The following ELP4 variants were observed in gnomAD, a reference collection of about 807,000 sequenced individuals.
ELP4 encodes the protein elongator acetyltransferase complex subunit 4, also known as elongator complex protein 4.
Under a neutral mutation model 48.9 loss-of-function variants are expected in ELP4, and 51 were observed. The ratio of observed to expected loss-of-function variants is 1.04; its 90% CI spans 0.83 to 1.32. ELP4 has a LOEUF of 1.32. ELP4 is among the 40% of genes most tolerant of loss of function. The pLI is 0.00. For missense variants in ELP4, 519 were observed against 514.6 expected (o/e 1.01, Z -0.08); for synonymous variants, 210 against 189.2 (o/e 1.11, Z -0.90).
At chr11:31,674,845 A>G (rs1307023765) in intron 9 of ELP4, among the ~76,000 whole-genome samples, 1 of 152,230 alleles carries the variant, frequency 6.6e-6, no homozygotes, top group Non-Finnish European at 1.5e-5. Flanking sequence ...AACTGAATTA[A>G]CATTCTGTCC....
At chr11:31,559,383 A>G (rs541546391) in intron 3 of ELP4, among the ~76,000 whole-genome samples, 4 of 152,222 alleles carry the variant, frequency 2.6e-5, no homozygotes, top group Non-Finnish European at 5.9e-5. Flanking sequence ...TGTTGTTTAT[A>G]TAATATTCAT....
At chr11:31,590,763 C>A (rs757417552) in intron 3 of ELP4, among the ~76,000 whole-genome samples, 1 of 152,100 alleles carries the variant, frequency 6.6e-6, no homozygotes, top group Non-Finnish European at 1.5e-5. Context: ...AGCAAGAGAG[C>A]AAGCAGGAAG....
At chr11:31,549,623 C>G (rs929629765) in intron 3 of ELP4, among the ~76,000 whole-genome samples, 1 of 151,874 alleles carries the variant, frequency 6.6e-6, no homozygotes, top group Non-Finnish European at 1.5e-5. Context: ...TTGACCCAGC[C>G]ATCCCATTAC....
intron 4 of ELP4, among the ~76,000 whole-genome samples, chr11:31,595,589 A>G (rs1957656543): frequency 6.6e-6 from 1 of 152,194 alleles, no homozygotes; most frequent in African/African-American, 2.4e-5. Flanking sequence ...CATCAGTGTT[A>G]TCTTTCCCAA....
chr11:31,523,724 ATTGATTTTAAAATCAAAGGTAAAAT>A (rs1956253108), intron 2 of ELP4, among the ~76,000 whole-genome samples: 1 of 151,120 alleles, frequency 6.6e-6, no homozygotes, highest in Non-Finnish European at 1.5e-5. Context: ...AAAATCAAAA[ATTGATTTTAAAATCAAAGGTAAAAT>A]TTGATTTTAA....
chr11:31,510,600 T>G (rs1955973792), intron 1 of ELP4: 1 of 390,520 alleles, frequency 2.6e-6, no homozygotes, highest in Non-Finnish European at 4.5e-6. Context: ...AGATAGTGTC[T>G]GCGTTAAATC....
intron 5 of ELP4, among the ~76,000 whole-genome samples, chr11:31,607,596 A>G (rs1186479680): frequency 1.3e-5 from 2 of 152,218 alleles, no homozygotes; most frequent in Non-Finnish European, 2.9e-5. Context: ...TCTTAATACT[A>G]TCACATTGAC....
At position 31,698,205 on chromosome 11, in the gene ELP4, A is replaced by T. The variant is rs184362867; in HGVS notation, c.1143+47984A>T. Among the ~76,000 whole-genome samples, 96 of 152,304 alleles carry T rather than the reference A, an allele frequency of 6.3e-4. No homozygotes were observed. In the East Asian group the frequency reaches 0.012, roughly 20 times the overall value. ...GTTGAAACTTTAAACACATATTTGT[A>T]TTAAACTGATAAATTTTAGTCATAT... is the stretch of plus-strand genomic sequence containing the variant. On this transcript the variant is annotated intron_variant, in intron 9 of 9. Coordinates refer to ENST00000640961, the MANE Select transcript of ELP4 (RefSeq NM_019040.5).
chr11:31,752,470 G>A (rs1008662827), intron 9 of ELP4, among the ~76,000 whole-genome samples: 11 of 152,054 alleles, frequency 7.2e-5, no homozygotes, highest in African/African-American at 2.4e-4. Flanking sequence ...CTCTCTCAGG[G>A]TCTATTTTGC....
At chr11:31,613,955 T>C (rs1403639385) in intron 5 of ELP4, among the ~76,000 whole-genome samples, 1 of 151,932 alleles carries the variant, frequency 6.6e-6, no homozygotes, top group East Asian at 1.9e-4. Context: ...AAGTGACCTG[T>C]TTGCCTTGGC....
At chr11:31,744,035 C>T (rs1038968655) in intron 9 of ELP4, among the ~76,000 whole-genome samples, 30 of 151,822 alleles carry the variant, frequency 2.0e-4, no homozygotes, top group South Asian at 6.2e-4. Context: ...ATCAAATAGA[C>T]GCAATAAAAA....
chr11:31,686,231 C>G (rs1255728385), intron 9 of ELP4, among the ~76,000 whole-genome samples: 1 of 151,680 alleles, frequency 6.6e-6, no homozygotes. Context: ...TAATCAATAC[C>G]AAGAAACTCT....
At chr11:31,781,599 A>G (rs998912894) in intron 9 of ELP4, among the ~76,000 whole-genome samples, 1 of 143,352 alleles carries the variant, frequency 7.0e-6, no homozygotes, top group Non-Finnish European at 1.5e-5. Context: ...CCCTGGTTCA[A>G]GCAATTCTCC....
At chr11:31,744,485 C>G (rs1947532252) in intron 9 of ELP4, among the ~76,000 whole-genome samples, 1 of 152,118 alleles carries the variant, frequency 6.6e-6, no homozygotes, top group South Asian at 2.1e-4. Flanking sequence ...ATGCAAAAAT[C>G]CTCAATAAAA....
At chr11:31,559,140 T>C (rs1592115830) in intron 3 of ELP4, among the ~76,000 whole-genome samples, 1 of 152,176 alleles carries the variant, frequency 6.6e-6, no homozygotes, top group Admixed American at 6.5e-5. Context: ...ATAGATGAGC[T>C]GTGAAGATTT....
intron 9 of ELP4, among the ~76,000 whole-genome samples, chr11:31,681,291 G>T (rs1946046452): frequency 6.6e-6 from 1 of 152,148 alleles, no homozygotes; most frequent in Non-Finnish European, 1.5e-5. Context: ...TTCTGGAAGG[G>T]CAGCAAAAAC....
intron 5 of ELP4, among the ~76,000 whole-genome samples, chr11:31,605,471 G>A (rs1325505933): frequency 6.6e-6 from 1 of 152,022 alleles, no homozygotes; most frequent in East Asian, 1.9e-4. Context: ...AGTAAAGAGT[G>A]GAACCCAGGT....
intron 9 of ELP4, chr11:31,687,769 G>T (rs575665812): frequency 2.0e-5 from 3 of 152,152 alleles, no homozygotes; most frequent in African/African-American, 7.2e-5. Context: ...TTAAAATGTT[G>T]CTTTTGATTG....
At chr11:31,619,865 G>A (rs936001286) in intron 5 of ELP4, among the ~76,000 whole-genome samples, 4 of 151,674 alleles carry the variant, frequency 2.6e-5, no homozygotes, top group Non-Finnish European at 2.9e-5. Flanking sequence ...TTTCCTTCTT[G>A]TGTCCATGTG....
Sources: allele counts gnomAD v4.1 joint callset (sites outside exome capture counted in the v4.1 genomes callset), GRCh38; gene constraint gnomAD v4.1.1; transcripts MANE v1.5; gene names NCBI Gene and HGNC (gene_info 2026-07-23, HGNC 2026-07-21).